Variants in MYRFL observed in about 807,000 individuals in gnomAD.
The protein encoded by MYRFL is myelin regulatory factor-like protein.
Under a neutral mutation model 109.4 loss-of-function variants are expected in MYRFL, and 88 were observed. The ratio of observed to expected loss-of-function variants is 0.80; its 90% CI spans 0.68 to 0.96. The LOEUF (loss-of-function observed/expected upper bound fraction) is 0.96. Ranked by LOEUF, MYRFL falls within the 40% of genes least tolerant of loss-of-function variation. The pLI, the probability that MYRFL is intolerant of heterozygous loss-of-function variation, is 0.00. For missense variants in MYRFL, 957 were observed against 954.9 expected, an observed-to-expected ratio of 1.00 and a Z score of -0.03; for synonymous variants, 324 against 320.9, an observed-to-expected ratio of 1.01 and a Z score of -0.10.
chr12:69,849,135 G>C (rs1883735697), intron 1 of MYRFL, among the ~76,000 whole-genome samples: 1 of 152,232 alleles, frequency 6.6e-6, no homozygotes, highest in Non-Finnish European at 1.5e-5. Flanking sequence ...GCCTCCCAAA[G>C]TGCTGGAATT....
chr12:69,917,289 C>T (rs978893), intron 13 of MYRFL, among the ~76,000 whole-genome samples: 29,809 of 151,644 alleles, frequency 0.2, 4,409 homozygotes, highest in African/African-American at 0.42. Flanking sequence ...TCCACCCCCT[C>T]GGTTGGGCCT....
At chr12:69,948,600 G>A (rs1293316509) in intron 19 of MYRFL, among the ~76,000 whole-genome samples, 1 of 152,216 alleles carries the variant, frequency 6.6e-6, no homozygotes, top group African/African-American at 2.4e-5. Context: ...TGTGGAAGCA[G>A]TCTTAAGCAA....
chr12:69,943,396 G>A (rs1480593816), intron 19 of MYRFL, among the ~76,000 whole-genome samples: 1 of 147,096 alleles, frequency 6.8e-6, no homozygotes, highest in African/African-American at 2.5e-5. Flanking sequence ...ACAACTATCT[G>A]ATCTTTGACA....
chr12:69,914,053 G>A (rs1238863785), intron 13 of MYRFL, among the ~76,000 whole-genome samples: 3 of 151,912 alleles, frequency 2.0e-5, no homozygotes, highest in Admixed American at 6.6e-5. Flanking sequence ...TATTCTTTTC[G>A]ATGTGATTGT....
intron 1 of MYRFL, among the ~76,000 whole-genome samples, chr12:69,854,309 CG>C (rs1254181314): frequency 2.1e-5 from 3 of 144,518 alleles, no homozygotes; most frequent in East Asian, 2.1e-4. Flanking sequence ...AGTCCAGCCT[CG>C]GCTGGGCATC....
At position 69,825,385 on chromosome 12, in the gene MYRFL, G is replaced by A; in HGVS notation, c.-133G>A. The A allele has an allele frequency of 4.3e-6, 3 of 692,158 alleles. No individual in the cohort carries two copies. Among genetic ancestry groups the A allele is most frequent in the Non-Finnish European group, 7.9e-6 (3 of 381,082 alleles). 42.9% of individuals were successfully genotyped at this position (692,158 alleles called of 1,614,324 possible). A position where few individuals can be genotyped will look rare whatever the true frequency, so the allele number is the denominator to read the frequency against. On this transcript the variant is annotated 5_prime_UTR_variant, in exon 1 of 25. An upstream start codon of the reference 5' UTR is lost. Transcript: ENST00000552032. The stretch of plus-strand genomic sequence containing the variant: ...GGCACAATTTGATGGCTGAAGATAT[G>A]CTTCACTCCAATAAAAAGAAAATGA...
At chr12:69,946,824 C>T (rs12369158) in intron 19 of MYRFL, 17,460 of 152,264 alleles carry the variant, frequency 0.11, 1,257 homozygotes, top group Non-Finnish European at 0.16. Flanking sequence ...AAATCTGGGT[C>T]CCCCACTTCC....
chr12:69,839,256 T>A (rs1883113750), intron 1 of MYRFL, among the ~76,000 whole-genome samples: 1 of 152,130 alleles, frequency 6.6e-6, no homozygotes, highest in Non-Finnish European at 1.5e-5. Flanking sequence ...TCAGATGAAT[T>A]GTAATTCATT....
chr12:69,870,119 T>G (rs1204166555), intron 2 of MYRFL, among the ~76,000 whole-genome samples: 1 of 143,504 alleles, frequency 7.0e-6, no homozygotes, highest in Non-Finnish European at 1.5e-5. Flanking sequence ...TTTTTTTTTT[T>G]TTTTTTTGGG....
At chr12:69,955,228 G>T in intron 21 of MYRFL, 135 bp from the exon 22 acceptor site, 1 of 377,054 alleles carries the variant, frequency 2.7e-6, no homozygotes, top group Non-Finnish European at 4.7e-6. Flanking sequence ...ATACCAGGTT[G>T]AACTCAGTTT....
intron 19 of MYRFL, among the ~76,000 whole-genome samples, chr12:69,944,172 T>C (rs1050805769): frequency 2.0e-5 from 3 of 146,912 alleles, no homozygotes; most frequent in African/African-American, 5.2e-5. Context: ...GACCCAGCCA[T>C]CCCATTACTG....
chr12:69,913,005 T>C (rs1348274919), intron 13 of MYRFL, among the ~76,000 whole-genome samples: 1 of 152,088 alleles, frequency 6.6e-6, no homozygotes, highest in African/African-American at 2.4e-5. Context: ...GCCATCCAAA[T>C]GGGTGTGAGG....
At chr12:69,927,052 C>T (rs1955119649) in intron 14 of MYRFL, among the ~76,000 whole-genome samples, 1 of 143,902 alleles carries the variant, frequency 6.9e-6, no homozygotes, top group Non-Finnish European at 1.5e-5. Flanking sequence ...TCAAGGGATT[C>T]TCCTGCCTCA....
At chr12:69,829,915 G>A (rs1882520747) in intron 1 of MYRFL, among the ~76,000 whole-genome samples, 2 of 152,162 alleles carry the variant, frequency 1.3e-5, no homozygotes, top group Non-Finnish European at 2.9e-5. Flanking sequence ...CACTGGGCAA[G>A]TCTGTCTTAT....
intron 19 of MYRFL, among the ~76,000 whole-genome samples, chr12:69,940,092 T>C (rs1955597104): frequency 6.6e-6 from 1 of 151,580 alleles, no homozygotes. Context: ...TACCTGAAAG[T>C]GATGGGGAGA....
At chr12:69,949,080 A>G (rs938495754) in intron 19 of MYRFL, among the ~76,000 whole-genome samples, 1 of 152,200 alleles carries the variant, frequency 6.6e-6, no homozygotes, top group African/African-American at 2.4e-5. Context: ...GTAGTCTTCA[A>G]GGAGCTCACA....
At chr12:69,890,947 G>T in intron 6 of MYRFL, 24 bp from the exon 7 acceptor site, 1 of 1,417,290 alleles carries the variant, frequency 7.1e-7, no homozygotes. Flanking sequence ...TGTAAAACTG[G>T]TTTCTTGGTT....
At chr12:69,924,190 G>GAAAAAAAAAAAA (rs543542332) in intron 13 of MYRFL, among the ~76,000 whole-genome samples, 1 of 79,880 alleles carries the variant, frequency 1.3e-5, no homozygotes. Context: ...CTCCGTCTCA[G>GAAAAAAAAAAAA]AAAAAAAAAA....
chr12:69,848,075 A>G (rs1883661836), intron 1 of MYRFL, among the ~76,000 whole-genome samples: 1 of 152,118 alleles, frequency 6.6e-6, no homozygotes, highest in Admixed American at 6.5e-5. Flanking sequence ...TATAGAACAT[A>G]GCTTTTTTTC....
Sources: allele counts gnomAD v4.1 joint callset (sites outside exome capture counted in the v4.1 genomes callset), GRCh38; gene constraint gnomAD v4.1.1; transcripts MANE v1.5; gene names NCBI Gene and HGNC (gene_info 2026-07-23, HGNC 2026-07-21).